The following CTCF variants were observed in gnomAD, a reference collection of about 807,000 sequenced individuals.
CTCF encodes the protein CCCTC-binding factor.
A neutral mutation model predicts 72.3 loss-of-function variants in CTCF; 7 were observed. The observed-to-expected ratio is 0.10, with a 90% CI of 0.06 to 0.18. The LOEUF is 0.18. Among genes scored for constraint, CTCF ranks in the 10% least tolerant of loss-of-function variants. CTCF has a pLI of 1.00. For missense variants in CTCF, 516 were observed against 949.1 expected, an observed-to-expected ratio of 0.54 and a Z score of 6.00; for synonymous variants, 374 against 315.8, an observed-to-expected ratio of 1.18 and a Z score of -1.95.
chr16:67,632,073 C>CAAAAAA, intron 10 of CTCF, among the ~76,000 whole-genome samples: 1 of 112,608 alleles, frequency 8.9e-6, no homozygotes, highest in African/African-American at 3.5e-5. Context: ...GACCCTGTCT[C>CAAAAAA]CAAAAAAAAA....
intron 10 of CTCF, among the ~76,000 whole-genome samples, chr16:67,635,353 A>G (rs1371987298): frequency 4.7e-5 from 7 of 149,512 alleles, no homozygotes; most frequent in Non-Finnish European, 3.0e-5. Context: ...TAAAGTAGAG[A>G]CGGGGTTTCA....
intron 7 of CTCF, among the ~76,000 whole-genome samples, chr16:67,622,313 G>A (rs2052211592): frequency 1.3e-5 from 2 of 151,196 alleles, no homozygotes; most frequent in Middle Eastern, 3.4e-3. Context: ...CAGAGATCAC[G>A]CCACCGCACT....
chr16:67,580,472 T>G (rs1454305884), intron 2 of CTCF, among the ~76,000 whole-genome samples: 1 of 152,176 alleles, frequency 6.6e-6, no homozygotes, highest in African/African-American at 2.4e-5. Flanking sequence ...TCCAAGGTGT[T>G]GGGATTACAG....
chr16:67,637,637 T>A (rs1403698120), intron 11 of CTCF, 51 bp from the exon 12 acceptor site: 1 of 1,516,666 alleles, frequency 6.6e-7, no homozygotes, highest in East Asian at 2.3e-5. Flanking sequence ...ACCCTTGTGA[T>A]TCTTGGGGCT....
intron 2 of CTCF, among the ~76,000 whole-genome samples, chr16:67,605,819 T>C (rs776482043): frequency 6.6e-6 from 1 of 151,940 alleles, no homozygotes; most frequent in Non-Finnish European, 1.5e-5. Flanking sequence ...AAGTACAGAG[T>C]GAAGACAGGG....
intron 2 of CTCF, among the ~76,000 whole-genome samples, chr16:67,574,402 C>T (rs891807683): frequency 2.6e-5 from 4 of 151,652 alleles, no homozygotes; most frequent in East Asian, 2.0e-4. Flanking sequence ...AGTGCAGTGG[C>T]GTGATCTCGG....
intron 6 of CTCF, 122 bp from the exon 7 acceptor site, chr16:67,621,320 C>G (rs778240730): frequency 2.8e-6 from 2 of 704,616 alleles, no homozygotes; most frequent in Non-Finnish European, 4.7e-6. Flanking sequence ...GACTGAGCCT[C>G]AGCCTTCCTA....
intron 7 of CTCF, among the ~76,000 whole-genome samples, chr16:67,622,049 G>C (rs1041188956): frequency 6.6e-6 from 1 of 152,046 alleles, no homozygotes; most frequent in Admixed American, 6.6e-5. Context: ...ACATGCAGCC[G>C]GAGTTTATTA....
intron 2 of CTCF, among the ~76,000 whole-genome samples, chr16:67,582,287 A>G (rs562761121): frequency 1.3e-5 from 2 of 151,834 alleles, no homozygotes; most frequent in African/African-American, 4.8e-5. Context: ...GCATGTGTGC[A>G]TGCTTTAGTT....
chr16:67,564,102 A>G (rs1048064863), intron 1 of CTCF: 2 of 152,250 alleles, frequency 1.3e-5, no homozygotes, highest in Admixed American at 1.3e-4. Context: ...GTTTCGATCA[A>G]CTAGGAAAGT....
intron 2 of CTCF, among the ~76,000 whole-genome samples, chr16:67,600,739 A>G (rs1309833057): frequency 6.6e-6 from 1 of 152,176 alleles, no homozygotes. Flanking sequence ...TTCCATATAT[A>G]GTATGATTTC....
chr16:67,592,497 G>A (rs576006314), intron 2 of CTCF, among the ~76,000 whole-genome samples: 1 of 152,200 alleles, frequency 6.6e-6, no homozygotes, highest in Admixed American at 6.5e-5. Context: ...CCAGAGCTCA[G>A]AAGTTTGAGA....
intron 11 of CTCF, 145 bp downstream of exon 11, chr16:67,636,996 CTT>C: frequency 1.4e-6 from 1 of 711,380 alleles, no homozygotes; most frequent in Non-Finnish European, 2.1e-6. Flanking sequence ...CAGGAAATGG[CTT>C]TTTAGGAGTT....
chr16:67,604,964 A>ATTTTTTTTTTTTT (rs34873720), intron 2 of CTCF, among the ~76,000 whole-genome samples: 1 of 73,776 alleles, frequency 1.4e-5, no homozygotes, highest in Non-Finnish European at 2.5e-5. Context: ...TATAAATGGG[A>ATTTTTTTTTTTTT]TTTTTTTTTT....
rs1349718794 is a variant in CTCF, at chr16:67,638,015, G to A, written c.*143G>A. 4 of 707,308 alleles carry A rather than the reference G, an allele frequency of 5.7e-6. No homozygotes were observed. Among genetic ancestry groups the A allele is most frequent in the Admixed American group, 3.0e-5 (1 of 33,470 alleles). The allele number at this position is 707,308 out of a possible 1,614,324, so 43.8% of individuals were successfully genotyped here. A position where few individuals can be genotyped will look rare whatever the true frequency, so the allele number is the denominator to read the frequency against. On this transcript the variant is annotated 3_prime_UTR_variant, in exon 12 of 12. Transcript: ENST00000264010. ...TACCGAGAACGAAAACTTCAAGGAT[G>A]ATGTTAGAAAAAAATGTGATTTAAC...
At chr16:67,596,563 A>C (rs1233767811) in intron 2 of CTCF, among the ~76,000 whole-genome samples, 2 of 151,644 alleles carry the variant, frequency 1.3e-5, no homozygotes, top group Admixed American at 1.3e-4. Flanking sequence ...TGTCATACAT[A>C]ATTTTATTTT....
intron 4 of CTCF, chr16:67,614,500 C>CAGTCT (rs2052104488): frequency 6.6e-6 from 1 of 151,686 alleles, no homozygotes; most frequent in African/African-American, 2.4e-5. Flanking sequence ...GGTTTGAGAC[C>CAGTCT]AGTCTGGCCA....
At chr16:67,593,684 C>T (rs778334560) in intron 2 of CTCF, among the ~76,000 whole-genome samples, 1 of 152,066 alleles carries the variant, frequency 6.6e-6, no homozygotes, top group Non-Finnish European at 1.5e-5. Context: ...GTATTTCTTA[C>T]CAAGAGAATG....
At chr16:67,570,479 C>G (rs889149125) in intron 1 of CTCF, among the ~76,000 whole-genome samples, 1 of 151,096 alleles carries the variant, frequency 6.6e-6, no homozygotes, top group African/African-American at 2.4e-5. Context: ...GACGGAGTCT[C>G]GCTCTGTCGC....
Sources: allele counts gnomAD v4.1 joint callset (sites outside exome capture counted in the v4.1 genomes callset), GRCh38; gene constraint gnomAD v4.1.1; transcripts MANE v1.5; gene names NCBI Gene and HGNC (gene_info 2026-07-23, HGNC 2026-07-21).